Variants in EBF4 observed in about 807,000 individuals in gnomAD.
EBF4 encodes transcription factor COE4.
A neutral mutation model predicts 67.1 loss-of-function variants in EBF4; 34 were observed. The ratio of observed to expected loss-of-function variants is 0.51; its 90% CI spans 0.39 to 0.67. The LOEUF is 0.67. Ranked by LOEUF, EBF4 falls within the 30% of genes least tolerant of loss-of-function variation. The pLI, the probability that EBF4 is intolerant of heterozygous loss-of-function variation, is 0.00. For missense variants in EBF4, 837 were observed against 873.3 expected (o/e 0.96, Z 0.52); for synonymous variants, 387 against 377.7 (o/e 1.02, Z -0.29).
At chr20:2,700,237 T>C (rs1013818318) in intron 1 of EBF4, among the ~76,000 whole-genome samples, 9 of 152,170 alleles carry the variant, frequency 5.9e-5, no homozygotes, top group Non-Finnish European at 1.0e-4. Flanking sequence ...TTCTCATCTT[T>C]GTCTCACCCC....
intron 1 of EBF4, among the ~76,000 whole-genome samples, chr20:2,694,470 T>C (rs1176379024): frequency 6.6e-6 from 1 of 152,146 alleles, no homozygotes; most frequent in African/African-American, 2.4e-5. Flanking sequence ...GGAGTCTCAG[T>C]AGGGGGTTGA....
rs1486775113 is a variant in EBF4 at position 2,752,000 on chromosome 20, C to A, written c.1173+13C>A. 3.2e-6 allele frequency: 5 copies of A among 1,539,806 alleles called. No individual in the cohort carries two copies. The highest frequency in any genetic ancestry group is 4.4e-6 in the Non-Finnish European group (5 of 1,143,002). ...CGGCAGTAACCAGGTATGGCGCCTC[C>A]GCCCTCCCAGCGCCGCCGGGACCGG... On this transcript the variant is annotated intron_variant, in intron 12 of 16. Coordinates refer to ENST00000609451, the Ensembl canonical transcript of EBF4. This position sits in a 1 kb window ranked among gnomAD's most constrained non-coding sequence, Gnocchi z 5.2.
intron 1 of EBF4, among the ~76,000 whole-genome samples, chr20:2,702,923 T>C (rs796414652): frequency 3.3e-5 from 5 of 152,236 alleles, no homozygotes; most frequent in African/African-American, 1.2e-4. Flanking sequence ...CTAGTGGCCT[T>C]TAGTCATGTT....
chr20:2,730,078 T>C (rs2087794008), intron 6 of EBF4, among the ~76,000 whole-genome samples: 1 of 152,230 alleles, frequency 6.6e-6, no homozygotes, highest in Admixed American at 6.5e-5. Context: ...CCAGGTGCCC[T>C]GTGGCTGAGG....
At chr20:2,702,546 G>A (rs2087391664) in intron 1 of EBF4, among the ~76,000 whole-genome samples, 1 of 152,180 alleles carries the variant, frequency 6.6e-6, no homozygotes, top group Non-Finnish European at 1.5e-5. Flanking sequence ...AGGCTCCGGG[G>A]CAAGCTTTCA....
chr20:2,707,974 A>G lies in EBF4; in HGVS notation c.442A>G (p.Asn148Asp). The change falls in exon 5 of 17, where the codon AAC (asparagine) becomes GAC (aspartate). Residue 148 changes from asparagine (N) to aspartate (D), a missense_variant. This residue lies in a region of EBF4 where 226 missense variants were observed against 306.5 expected (regional missense o/e 0.74). Coordinates refer to ENST00000609451, the Ensembl canonical transcript of EBF4. The surrounding 1 kb of genome is among the most constrained non-coding windows in gnomAD (Gnocchi z 4.6). ...CATCATCTATGAGGGGCAGGACAAG[A>G]ACCCCGAAATGTGCCGAGTGCTGCT... is the stretch of plus-strand genomic sequence containing the variant. The G allele has an allele frequency of 6.2e-7, 1 of 1,607,762 alleles. No homozygotes were observed. The highest frequency in any genetic ancestry group is 8.5e-7 in the Non-Finnish European group (1 of 1,176,762).
At chr20:2,753,266 G>A (rs2146511412) in intron 14 of EBF4, among the ~76,000 whole-genome samples, 1 of 152,340 alleles carries the variant, frequency 6.6e-6, no homozygotes, top group East Asian at 1.9e-4. Context: ...AGCCCTGACT[G>A]TGGGCGCTGA....
chr20:2,707,848 C>A lies in EBF4; in HGVS notation c.415-99C>A. 1.6e-6 allele frequency: 2 copies of A among 1,243,028 alleles called. No individual in the cohort carries two copies. The highest frequency in any genetic ancestry group is 2.2e-6 in the Non-Finnish European group (2 of 907,928). 77.0% of individuals were successfully genotyped at this position (1,243,028 alleles called of 1,614,324 possible). A position where few individuals can be genotyped will look rare whatever the true frequency, so the allele number is the denominator to read the frequency against. On this transcript the variant is annotated intron_variant, in intron 4 of 16. Transcript: ENST00000609451. The surrounding 1 kb of genome is among the most constrained non-coding windows in gnomAD (Gnocchi z 4.6). Reference sequence around the variant, plus strand: ...TGCTCTTCCCTGGGGCAGGGTCTCCCTGGGCCTAGGCTTGGGAGATGCCAG... The same window carrying A: ...TGCTCTTCCCTGGGGCAGGGTCTCCATGGGCCTAGGCTTGGGAGATGCCAG...
Position 2,709,912 on chromosome 20 carries a change from G to T in EBF4, c.557+270G>T, listed in dbSNP as rs139513601. Reference sequence around the variant, plus strand: ...CCAGGGAGGGCAGGGAGGTTGAGAGGGGGGTGGGAAGGGAGGGGAGGAACC... The same window carrying T: ...CCAGGGAGGGCAGGGAGGTTGAGAGTGGGGTGGGAAGGGAGGGGAGGAACC... On this transcript the variant is annotated intron_variant, in intron 6 of 16. Transcript: ENST00000609451. 3.9e-5 allele frequency among the ~76,000 whole-genome samples: 6 copies of T among 151,978 alleles called. No individual in the cohort carries two copies. In the South Asian group the frequency reaches 8.3e-4, roughly 21 times the overall value.
chr20:2,723,444 G>A (rs1413894137), intron 6 of EBF4, among the ~76,000 whole-genome samples: 6 of 151,920 alleles, frequency 3.9e-5, no homozygotes, highest in South Asian at 2.1e-4. Flanking sequence ...TCAGCCTCCC[G>A]GGTTCACGCC....
In EBF4 at chr20:2,693,967, G is replaced by A. The variant is rs940770673; in HGVS notation, c.137+185G>A. 5.9e-5 allele frequency among the ~76,000 whole-genome samples: 9 copies of A among 152,216 alleles called. No individual in the cohort carries two copies. The highest frequency in any genetic ancestry group is 1.0e-4 in the Non-Finnish European group (7 of 68,046). ...CTCCTGAGGCTGTGGGGCGGGCTGG[G>A]GCGGGGCTTCTGCCTCCACTCCGGG... On this transcript the variant is annotated intron_variant, in intron 1 of 16. Coordinates refer to ENST00000609451, the Ensembl canonical transcript of EBF4. This position sits in a 1 kb window ranked among gnomAD's most constrained non-coding sequence, Gnocchi z 4.6.
chr20:2,731,460 A>T (rs2087812419), intron 6 of EBF4, among the ~76,000 whole-genome samples: 1 of 152,186 alleles, frequency 6.6e-6, no homozygotes, highest in Non-Finnish European at 1.5e-5. Context: ...GCTTACTTAT[A>T]AAGACATAAC....
chr20:2,722,184 T>C (rs2087690076), intron 6 of EBF4, among the ~76,000 whole-genome samples: 1 of 152,282 alleles, frequency 6.6e-6, no homozygotes, highest in East Asian at 1.9e-4. Context: ...TACAGGTATG[T>C]GCCACTGCCC....
At chr20:2,711,886 C>T (rs966237862) in intron 6 of EBF4, among the ~76,000 whole-genome samples, 1 of 152,124 alleles carries the variant, frequency 6.6e-6, no homozygotes, top group Non-Finnish European at 1.5e-5. Flanking sequence ...TTTAAGGTCT[C>T]ACTGAAAAGA....
At chr20:2,738,257 C>T (rs2087917949) in intron 6 of EBF4, among the ~76,000 whole-genome samples, 1 of 152,168 alleles carries the variant, frequency 6.6e-6, no homozygotes, top group Non-Finnish European at 1.5e-5. Context: ...ACCACCTCTG[C>T]CCAAGGCCAG....
intron 6 of EBF4, among the ~76,000 whole-genome samples, chr20:2,715,608 C>T (rs2087597897): frequency 6.6e-6 from 1 of 152,234 alleles, no homozygotes; most frequent in Non-Finnish European, 1.5e-5. Flanking sequence ...TATCGCTCCA[C>T]ATCCTCACCA....
chr20:2,751,658 G>A lies in EBF4; in HGVS notation c.1019-42G>A, dbSNP rs1440538505. 2 of 1,542,536 alleles carry A rather than the reference G, an allele frequency of 1.3e-6. No homozygotes were observed. Among genetic ancestry groups the A allele is most frequent in the Non-Finnish European group, 1.8e-6 (2 of 1,140,092 alleles). On this transcript the variant is annotated intron_variant, in intron 10 of 16. Transcript: ENST00000609451. The surrounding 1 kb of genome is among the most constrained non-coding windows in gnomAD (Gnocchi z 5.2). Reference sequence around the variant, plus strand: ...CTGCGTCTCACCCTGGGAGTGGGGGGCTGCGGGGGAGACGTCCTCCAAACG... The same window carrying A: ...CTGCGTCTCACCCTGGGAGTGGGGGACTGCGGGGGAGACGTCCTCCAAACG...
exon 5 of EBF4, chr20:2,708,015 G>A: frequency 6.2e-7 from 1 of 1,608,070 alleles, no homozygotes; most frequent in Non-Finnish European, 8.5e-7. Context: ...ATGAGATCAT[G>A]TGCAGGTGAG....
At chr20:2,695,359 C>T (rs1032799790) in intron 1 of EBF4, among the ~76,000 whole-genome samples, 1 of 152,138 alleles carries the variant, frequency 6.6e-6, no homozygotes, top group Non-Finnish European at 1.5e-5. Context: ...GCGTGGGGTT[C>T]AAGAAGTGTG....
Sources: gnomAD v4.1 joint callset for allele counts (sites outside exome capture counted in the v4.1 genomes callset) on GRCh38, gnomAD v4.1.1 for gene constraint, gnomAD v4.1.1 regional missense constraint, Gnocchi (gnomAD v3.1) non-coding constraint, MANE v1.5 for transcripts, NCBI Gene and HGNC (gene_info 2026-07-23, HGNC 2026-07-21) for gene names.